Variants in XKR9 observed in about 807,000 individuals in gnomAD.
The protein encoded by XKR9 is XK-related protein 9.
In XKR9, 32 loss-of-function variants were observed where a neutral mutation model predicts 32.0. The ratio of observed to expected loss-of-function variants is 1.00; its 90% confidence interval spans 0.76 to 1.34. The LOEUF is 1.34. Among genes scored for constraint, XKR9 ranks in the 40% most tolerant of loss-of-function variants. XKR9 has a pLI of 0.00. For synonymous variants in XKR9, 168 were observed against 143.4 expected, an observed-to-expected ratio of 1.17 and a Z score of -1.22; for missense variants, 546 against 429.7, an observed-to-expected ratio of 1.27 and a Z score of -2.39.
chr8:71,050,258 T>TATATAGATAG, the XKR9 span, among the ~76,000 whole-genome samples: 4 of 106,618 alleles, frequency 3.8e-5, no homozygotes, highest in African/African-American at 1.5e-4. Flanking sequence ...TATATATATA[T>TATATAGATAG]ATAGATAGAT....
At chr8:70,744,203 T>C (rs1807026363) in intron 2 of XKR9, among the ~76,000 whole-genome samples, 1 of 151,652 alleles carries the variant, frequency 6.6e-6, no homozygotes, top group African/African-American at 2.4e-5. Flanking sequence ...CCCAGCTACT[T>C]GGGAGGCTGA....
At chr8:70,944,795 A>T in the XKR9 span, among the ~76,000 whole-genome samples, 2 of 152,224 alleles carry the variant, frequency 1.3e-5, no homozygotes, top group Non-Finnish European at 2.9e-5. Context: ...GTCCGTTTTT[A>T]TCCCATCTCT....
At chr8:70,759,836 A>T (rs140733877) in intron 2 of XKR9, among the ~76,000 whole-genome samples, 5 of 152,182 alleles carry the variant, frequency 3.3e-5, no homozygotes, top group African/African-American at 1.2e-4. Flanking sequence ...TTTTTTATTT[A>T]TTCATATAAA....
At chr8:70,951,608 A>G in the XKR9 span, among the ~76,000 whole-genome samples, 2 of 152,246 alleles carry the variant, frequency 1.3e-5, no homozygotes, top group African/African-American at 4.8e-5. Context: ...TAGAGGAGAG[A>G]AGTGAGTTTT....
At chr8:70,724,148 G>C (rs1437943606) in intron 4 of XKR9, among the ~76,000 whole-genome samples, 3 of 152,120 alleles carry the variant, frequency 2.0e-5, no homozygotes, top group African/African-American at 7.2e-5. Flanking sequence ...GGTGAGTTCT[G>C]CCCAGTCTGA....
intron 3 of XKR9, among the ~76,000 whole-genome samples, chr8:70,688,715 CT>C (rs11450447): frequency 1.0e-3 from 148 of 144,748 alleles, no homozygotes; most frequent in Non-Finnish European, 8.7e-4. Flanking sequence ...TGTGCCTGTC[CT>C]TTTTTTTTTT....
At chr8:70,821,405 G>T in the XKR9 span, among the ~76,000 whole-genome samples, 1 of 152,322 alleles carries the variant, frequency 6.6e-6, no homozygotes, top group Non-Finnish European at 1.5e-5. Context: ...CAAGCTGTTG[G>T]TGGATCTACA....
At chr8:70,713,107 A>G (rs1805974704) in intron 4 of XKR9, among the ~76,000 whole-genome samples, 2 of 152,314 alleles carry the variant, frequency 1.3e-5, no homozygotes, top group South Asian at 4.1e-4. Flanking sequence ...TTTATATTTG[A>G]AAAAGAAATA....
chr8:70,923,142 C>T, the XKR9 span, among the ~76,000 whole-genome samples: 281 of 152,324 alleles, frequency 1.8e-3, 3 homozygotes, highest in Admixed American at 0.015. Flanking sequence ...CTCTCTATGA[C>T]GGCCCACTGA....
chr8:70,787,356 A>T (rs572369031), intron 2 of XKR9, among the ~76,000 whole-genome samples: 36 of 152,270 alleles, frequency 2.4e-4, no homozygotes, highest in African/African-American at 8.4e-4. Context: ...TGTTTTTCTC[A>T]AAAGACCACC....
chr8:70,677,888 G>A (rs1818934692), intron 2 of XKR9: 1 of 152,070 alleles, frequency 6.6e-6, no homozygotes. Context: ...TCCTATATAA[G>A]CAATTTTTTT....
chr8:70,741,791 C>T (rs1409647202), intron 2 of XKR9, among the ~76,000 whole-genome samples: 3 of 152,148 alleles, frequency 2.0e-5, no homozygotes, highest in South Asian at 2.1e-4. Flanking sequence ...ATTACTTGAT[C>T]ACGTGGTAAT....
chr8:70,740,603 A>G (rs1586877709), downstream of XKR9, among the ~76,000 whole-genome samples: 1 of 151,460 alleles, frequency 6.6e-6, no homozygotes, highest in South Asian at 2.1e-4. Flanking sequence ...GGTTTTATCT[A>G]CTTTTGGTCT....
At chr8:71,050,533 C>T in the XKR9 span, among the ~76,000 whole-genome samples, 1 of 151,882 alleles carries the variant, frequency 6.6e-6, no homozygotes, top group Non-Finnish European at 1.5e-5. Context: ...ATTAAGACAG[C>T]AGGAGCTTGG....
At chr8:70,688,801 T>C (rs1819407612) in intron 3 of XKR9, among the ~76,000 whole-genome samples, 1 of 151,984 alleles carries the variant, frequency 6.6e-6, no homozygotes, top group African/African-American at 2.4e-5. Context: ...CTTTGTTAAC[T>C]TATAAAGTTG....
At chr8:70,776,171 T>C (rs1036196682) in intron 2 of XKR9, among the ~76,000 whole-genome samples, 1 of 152,162 alleles carries the variant, frequency 6.6e-6, no homozygotes, top group African/African-American at 2.4e-5. Flanking sequence ...TAAAACTCTT[T>C]GCAAGTGAAG....
At chr8:70,767,993 G>A (rs1247662956) in intron 2 of XKR9, among the ~76,000 whole-genome samples, 3 of 151,910 alleles carry the variant, frequency 2.0e-5, no homozygotes, top group Non-Finnish European at 4.4e-5. Context: ...TCTTGCTTCT[G>A]TAGTTCTTTA....
the XKR9 span, among the ~76,000 whole-genome samples, chr8:70,913,006 A>G: frequency 2.0e-4 from 30 of 152,298 alleles, no homozygotes; most frequent in South Asian, 6.0e-3. Flanking sequence ...GTTTTCTAGC[A>G]CATGAAAAAA....
chr8:70,903,322 G>A, the XKR9 span, among the ~76,000 whole-genome samples: 2 of 152,254 alleles, frequency 1.3e-5, no homozygotes, highest in African/African-American at 2.4e-5. Context: ...TTCAGAGCCT[G>A]TTATTGGCCT....
Sources: allele counts gnomAD v4.1 joint callset (sites outside exome capture counted in the v4.1 genomes callset), GRCh38; gene constraint gnomAD v4.1.1; transcripts MANE v1.5; gene names NCBI Gene and HGNC (gene_info 2026-07-23, HGNC 2026-07-21).